Variants in RBM20 observed in about 807,000 individuals in gnomAD.
The protein encoded by RBM20 is RNA binding motif protein 20.
In RBM20, 51 loss-of-function variants were observed where a neutral mutation model predicts 110.1. The observed-to-expected ratio is 0.46, with a 90% CI of 0.37 to 0.59. The LOEUF is 0.59. RBM20 is among the 20% of genes least tolerant of loss of function. RBM20 has a pLI of 0.00. For synonymous variants in RBM20, 589 were observed against 618.2 expected (o/e 0.95, Z 0.70); for missense variants, 1,512 against 1,574.9 (o/e 0.96, Z 0.68).
chr10:110,761,569 C>T (rs898331236), intron 1 of RBM20, among the ~76,000 whole-genome samples: 8 of 152,316 alleles, frequency 5.3e-5, no homozygotes, highest in Middle Eastern at 3.4e-3. Context: ...TGCAGCCAGC[C>T]GTAGCCCGAG....
intron 1 of RBM20, among the ~76,000 whole-genome samples, chr10:110,706,331 A>G (rs900428012): frequency 1.2e-4 from 18 of 152,196 alleles, no homozygotes; most frequent in African/African-American, 4.1e-4. Context: ...TGGCATTGGC[A>G]TACAATAGGT....
intron 1 of RBM20, among the ~76,000 whole-genome samples, chr10:110,743,496 C>A (rs1315875236): frequency 3.3e-5 from 5 of 152,112 alleles, no homozygotes; most frequent in African/African-American, 1.2e-4. Flanking sequence ...TCCAAAGCTT[C>A]TCCCTCTTCT....
At position 110,823,623 on chromosome 10, in the gene RBM20, A is replaced by G; in HGVS notation, c.3451+9A>G. ...ACTTAGCATTCCTCTAGGTAAGCAA[A>G]ACACACAGTCTTTCCTGAAATTCAG... On this transcript the variant is annotated intron_variant, in intron 12 of 13. Transcript: ENST00000369519. 1 of 1,551,308 alleles carries G rather than the reference A, an allele frequency of 6.4e-7. No homozygotes were observed. The highest frequency in any genetic ancestry group is 8.7e-7 in the Non-Finnish European group (1 of 1,146,854).
chr10:110,833,648 A>C (rs1845086331), intron 13 of RBM20, among the ~76,000 whole-genome samples: 1 of 152,118 alleles, frequency 6.6e-6, no homozygotes, highest in African/African-American at 2.4e-5. Flanking sequence ...TAATTCATGT[A>C]TGTTTCCCAG....
intron 1 of RBM20, among the ~76,000 whole-genome samples, chr10:110,723,707 G>A (rs568073063): frequency 2.6e-5 from 4 of 152,150 alleles, no homozygotes; most frequent in Non-Finnish European, 5.9e-5. Flanking sequence ...GTGCTTAATG[G>A]CCATTTGCAT....
In RBM20 at chr10:110,818,213, C is replaced by T. The variant is rs545082127; in HGVS notation, c.2551-1859C>T. 5.3e-5 allele frequency among the ~76,000 whole-genome samples: 8 copies of T among 150,602 alleles called. No homozygotes were observed. In the South Asian group the frequency reaches 1.7e-3, roughly 32 times the overall value. On this transcript the variant is annotated intron_variant, in intron 9 of 13. Transcript: ENST00000369519. ...GGCTGAGGCAGCAGAATTGCTTGAA[C>T]CCAGGAGGCGGAGATTGCGGTGAGC...
intron 1 of RBM20, among the ~76,000 whole-genome samples, chr10:110,742,027 C>A (rs151176109): frequency 6.6e-6 from 1 of 152,306 alleles, no homozygotes; most frequent in African/African-American, 2.4e-5. Context: ...AGTTGAGACA[C>A]CAGGTTCAGC....
At chr10:110,766,184 C>T (rs767010255) in intron 1 of RBM20, among the ~76,000 whole-genome samples, 46 of 152,128 alleles carry the variant, frequency 3.0e-4, no homozygotes, top group Admixed American at 5.2e-4. Context: ...CTGCTTGGAT[C>T]GTAACCACAG....
At chr10:110,731,343 C>T (rs953652600) in intron 1 of RBM20, among the ~76,000 whole-genome samples, 1 of 152,120 alleles carries the variant, frequency 6.6e-6, no homozygotes, top group Non-Finnish European at 1.5e-5. Context: ...AGGAAGATGG[C>T]AATTCATTTG....
chr10:110,724,827 G>T (rs1843544447), intron 1 of RBM20, among the ~76,000 whole-genome samples: 1 of 152,182 alleles, frequency 6.6e-6, no homozygotes, highest in Non-Finnish European at 1.5e-5. Context: ...AGTGTACCAG[G>T]TTTCTTGAGG....
intron 1 of RBM20, among the ~76,000 whole-genome samples, chr10:110,734,971 C>T (rs969055963): frequency 6.6e-6 from 1 of 152,174 alleles, no homozygotes; most frequent in African/African-American, 2.4e-5. Context: ...CTTCCCATGA[C>T]GTTAATCATC....
chr10:110,774,326 A>G (rs936972817), intron 1 of RBM20, among the ~76,000 whole-genome samples: 17 of 152,242 alleles, frequency 1.1e-4, no homozygotes, highest in African/African-American at 3.9e-4. Context: ...ATGAATCATC[A>G]TATGGTAATG....
chr10:110,753,810 C>A (rs980777428), intron 1 of RBM20, among the ~76,000 whole-genome samples: 1 of 152,170 alleles, frequency 6.6e-6, no homozygotes, highest in Non-Finnish European at 1.5e-5. Context: ...CCCAGCATTG[C>A]GATGCTGCAT....
At chr10:110,724,184 G>A (rs1843538306) in intron 1 of RBM20, among the ~76,000 whole-genome samples, 1 of 152,164 alleles carries the variant, frequency 6.6e-6, no homozygotes, top group Non-Finnish European at 1.5e-5. Flanking sequence ...TGTGTGTGCA[G>A]AACCCGTTTG....
chr10:110,751,586 A>G (rs935409757), intron 1 of RBM20, among the ~76,000 whole-genome samples: 21 of 152,206 alleles, frequency 1.4e-4, no homozygotes, highest in Non-Finnish European at 1.0e-4. Flanking sequence ...TCTTGCACCT[A>G]AACCGTCATG....
chr10:110,683,260 A>G (rs1214878103), intron 1 of RBM20, among the ~76,000 whole-genome samples: 1 of 152,234 alleles, frequency 6.6e-6, no homozygotes, highest in East Asian at 1.9e-4. Context: ...TCTGAATTTC[A>G]TGAACTTGTT....
chr10:110,696,173 T>C (rs1200444240), intron 1 of RBM20, among the ~76,000 whole-genome samples: 1 of 152,210 alleles, frequency 6.6e-6, no homozygotes, highest in Non-Finnish European at 1.5e-5. Flanking sequence ...GGGAAGTGAT[T>C]TAAGAATTGT....
rs149643353 is a variant in RBM20 at position 110,753,479 on chromosome 10, T to G, written c.192-27322T>G. Among the ~76,000 whole-genome samples, 34 of 152,368 alleles carry G rather than the reference T, an allele frequency of 2.2e-4. No homozygotes were observed. The East Asian group carries it at 6.2e-3, about 28-fold the overall frequency. ...TTTCTTTGCTCTTCATTCCTTTTTG[T>G]GTTTCCAGTCTTCCATCTGGGATCA... On this transcript the variant is annotated intron_variant, in intron 1 of 13. Transcript: ENST00000369519.
chr10:110,726,518 T>G (rs188493416), intron 1 of RBM20, among the ~76,000 whole-genome samples: 1 of 152,310 alleles, frequency 6.6e-6, no homozygotes, highest in East Asian at 1.9e-4. Context: ...CTCTACCCAC[T>G]GGATATGGGA....
Sources: allele counts gnomAD v4.1 joint callset (sites outside exome capture counted in the v4.1 genomes callset), GRCh38; gene constraint gnomAD v4.1.1; transcripts MANE v1.5; gene names NCBI Gene and HGNC (gene_info 2026-07-23, HGNC 2026-07-21).